The following CIDEB variants were observed in gnomAD, a reference collection of about 807,000 sequenced individuals.
The protein encoded by CIDEB is lipid transferase CIDEB.
CIDEB carries 27 observed loss-of-function variants against 22.4 expected under a neutral mutation model. The ratio of observed to expected loss-of-function variants is 1.21; its 90% CI spans 0.89 to 1.66. CIDEB has a LOEUF of 1.66. CIDEB is among the 40% of genes most tolerant of loss of function. The probability of loss-of-function intolerance (pLI) is 0.00; values close to 1 mark genes in which losing one functional copy is unlikely to be tolerated. For synonymous variants in CIDEB, 103 were observed against 109.5 expected, an observed-to-expected ratio of 0.94 and a Z score of 0.37; for missense variants, 289 against 268.7, an observed-to-expected ratio of 1.08 and a Z score of -0.53.
upstream of CIDEB, chr14:24,310,384 G>C: frequency 1.6e-6 from 1 of 617,496 alleles, no homozygotes. Context: ...ACAGCCTGGG[G>C]TGATGACTTT....
At chr14:24,309,096 C>G (rs1428513077), upstream of CIDEB, 1 of 152,254 alleles carries the variant, frequency 6.6e-6, no homozygotes, top group African/African-American at 2.4e-5. Flanking sequence ...TCATTAAGTA[C>G]ATTCTCCTAA....
chr14:24,306,804 G>A (rs2041524364), intron 2 of CIDEB: 1 of 474,718 alleles, frequency 2.1e-6, no homozygotes, highest in Non-Finnish European at 3.9e-6. Flanking sequence ...AAGCAAGCCA[G>A]GTTCTCACGA....
upstream of CIDEB, chr14:24,310,961 C>T (rs1411028392): frequency 1.3e-6 from 2 of 1,591,836 alleles, no homozygotes; most frequent in Admixed American, 1.7e-5. Flanking sequence ...CGGTGTACTA[C>T]GTGTGCGCGC....
Position 24,307,896 on chromosome 14 carries a change from T to C in CIDEB, c.-38A>G. 6 of 1,556,198 alleles carry C rather than the reference T, an allele frequency of 3.9e-6. No homozygotes were observed. Among genetic ancestry groups the C allele is most frequent in the Admixed American group, 1.9e-5 (1 of 52,494 alleles). On this transcript the variant is annotated 5_prime_UTR_variant, in exon 1 of 5. Transcript: ENST00000554411. ...AGTTCCTTCCCTGGAACTTCTGGGCTGGGTGGTTCTCTCCTGTGCTGGGGC... is the reference window on the plus strand; with the variant it reads ...AGTTCCTTCCCTGGAACTTCTGGGCCGGGTGGTTCTCTCCTGTGCTGGGGC...
chr14:24,310,976 C>T, upstream of CIDEB: 1 of 1,591,052 alleles, frequency 6.3e-7, no homozygotes, highest in East Asian at 2.3e-5. Context: ...GCGCGCTCAG[C>T]ATGTACGCCA....
chr14:24,306,613 A>T lies in CIDEB; in HGVS notation c.187-90T>A, dbSNP rs911043207. On this transcript the variant is annotated intron_variant, in intron 2 of 4. Coordinates refer to ENST00000554411, the MANE Select transcript of CIDEB (RefSeq NM_001393339.1). ...CAACATCCATCAGTTGGCTCTAGACATTGGTCGATGTCCCACTTTGACTTT... is the reference window on the plus strand; with the variant it reads ...CAACATCCATCAGTTGGCTCTAGACTTTGGTCGATGTCCCACTTTGACTTT... 10 of 1,548,596 alleles carry T rather than the reference A, an allele frequency of 6.5e-6. No individual in the cohort carries two copies. The African/African-American group carries it at 9.5e-5, about 15-fold the overall frequency.
Position 24,305,538 on chromosome 14 carries a change from A to C in CIDEB, c.*95T>G. 6.7e-7 allele frequency: 1 copy of C among 1,494,736 alleles called. No individual in the cohort carries two copies. Among genetic ancestry groups the C allele is most frequent in the East Asian group, 2.3e-5 (1 of 44,166 alleles). 92.6% of individuals were successfully genotyped at this position (1,494,736 alleles called of 1,614,324 possible). A position where few individuals can be genotyped will look rare whatever the true frequency, so the allele number is the denominator to read the frequency against. Reference sequence around the variant, plus strand: ...AGTGGGGAAATTGGGTGGGTTATCTAGCCTGTACTGTCTGCAGGTCCTGAA... The same window carrying C: ...AGTGGGGAAATTGGGTGGGTTATCTCGCCTGTACTGTCTGCAGGTCCTGAA... On this transcript the variant is annotated 3_prime_UTR_variant, in exon 5 of 5. Coordinates refer to ENST00000554411, the MANE Select transcript of CIDEB (RefSeq NM_001393339.1).
At position 24,305,526 on chromosome 14, in the gene CIDEB, G is replaced by T; in HGVS notation, c.*107C>A. 1 of 1,379,902 alleles carries T rather than the reference G, an allele frequency of 7.2e-7. No homozygotes were observed. Among genetic ancestry groups the T allele is most frequent in the South Asian group, 1.4e-5 (1 of 71,698 alleles). The allele number at this position is 1,379,902 out of a possible 1,614,324, so 85.5% of individuals were successfully genotyped here. A position where few individuals can be genotyped will look rare whatever the true frequency, so the allele number is the denominator to read the frequency against. ...GGATCAGAGGACAGTGGGGAAATTG[G>T]GTGGGTTATCTAGCCTGTACTGTCT... On this transcript the variant is annotated 3_prime_UTR_variant, in exon 5 of 5. Coordinates refer to ENST00000554411, the MANE Select transcript of CIDEB (RefSeq NM_001393339.1).
At chr14:24,310,513 G>T, upstream of CIDEB, 1 of 841,528 alleles carries the variant, frequency 1.2e-6, no homozygotes. Context: ...CTGGGTCCTC[G>T]TGGAAGTCAG....
At chr14:24,311,415 G>C, upstream of CIDEB, 3 of 1,601,462 alleles carry the variant, frequency 1.9e-6, no homozygotes, top group Non-Finnish European at 8.5e-7. Flanking sequence ...GGCGGTCGCA[G>C]CGCTGGCTCC....
In CIDEB at chr14:24,305,281, C is replaced by A; in HGVS notation, c.*352G>T. ...GATCTCAAGGTAAAGTCAGAGAGGG[C>A]TGTCATCAGTATGCTGGGGAGTTTA... On this transcript the variant is annotated 3_prime_UTR_variant, in exon 5 of 5. Transcript: ENST00000554411. The A allele has an allele frequency of 1.6e-6, 1 of 639,168 alleles. No homozygotes were observed. Among genetic ancestry groups the A allele is most frequent in the Non-Finnish European group, 2.4e-6 (1 of 413,216 alleles). The allele number at this position is 639,168 out of a possible 1,614,324, so 39.6% of individuals were successfully genotyped here. A position where few individuals can be genotyped will look rare whatever the true frequency, so the allele number is the denominator to read the frequency against.
At chr14:24,310,817 A>G, upstream of CIDEB, 1 of 1,595,036 alleles carries the variant, frequency 6.3e-7, no homozygotes, top group Non-Finnish European at 8.5e-7. Flanking sequence ...GGCGGCCTGC[A>G]CGGGGGCGAC....
Position 24,305,536 on chromosome 14 carries a change from C to G in CIDEB, c.*97G>C. On this transcript the variant is annotated 3_prime_UTR_variant, in exon 5 of 5. Coordinates refer to ENST00000554411, the MANE Select transcript of CIDEB (RefSeq NM_001393339.1). ...ACAGTGGGGAAATTGGGTGGGTTAT[C>G]TAGCCTGTACTGTCTGCAGGTCCTG... 6.8e-7 allele frequency: 1 copy of G among 1,468,166 alleles called. No individual in the cohort carries two copies. Among genetic ancestry groups the G allele is most frequent in the Non-Finnish European group, 9.2e-7 (1 of 1,092,298 alleles). 90.9% of individuals were successfully genotyped at this position (1,468,166 alleles called of 1,614,324 possible).
chr14:24,306,694 G>T, intron 2 of CIDEB, 171 bp from the exon 3 acceptor site: 1 of 751,672 alleles, frequency 1.3e-6, no homozygotes, highest in Non-Finnish European at 2.1e-6. Context: ...CAGTTTTTGG[G>T]GGATCCTAGC....
chr14:24,310,899 G>T, upstream of CIDEB: 1 of 1,593,294 alleles, frequency 6.3e-7, no homozygotes, highest in Non-Finnish European at 8.5e-7. Context: ...GCCGCTCTTT[G>T]TGGCCTTCCT....
chr14:24,311,020 G>A (rs1294511233), upstream of CIDEB: 1 of 1,584,058 alleles, frequency 6.3e-7, no homozygotes, highest in African/African-American at 1.4e-5. Context: ...AGCCTGCAGC[G>A]CTGCCTCGCA....
chr14:24,307,941 A>G lies in CIDEB; in HGVS notation c.-83T>C. On this transcript the variant is annotated 5_prime_UTR_variant, in exon 1 of 5. Transcript: ENST00000554411. ...TGGGGCTTTAGTGGTGTTTTCTGTTACAAACCTGGGATCTCAGCCCAGGAC... is the reference window on the plus strand; with the variant it reads ...TGGGGCTTTAGTGGTGTTTTCTGTTGCAAACCTGGGATCTCAGCCCAGGAC... The G allele has an allele frequency of 1.6e-6, 2 of 1,278,540 alleles. No homozygotes were observed. Among genetic ancestry groups the G allele is most frequent in the Non-Finnish European group, 2.2e-6 (2 of 898,490 alleles). The allele number at this position is 1,278,540 out of a possible 1,614,324, so 79.2% of individuals were successfully genotyped here. A position where few individuals can be genotyped will look rare whatever the true frequency, so the allele number is the denominator to read the frequency against.
At chr14:24,308,177 C>A (rs1335923933), upstream of CIDEB, 2 of 385,224 alleles carry the variant, frequency 5.2e-6, no homozygotes, top group Non-Finnish European at 4.8e-6. Flanking sequence ...AATGTGACTT[C>A]TGGTGTTTTT....
chr14:24,307,549 A>G lies in CIDEB; in HGVS notation c.42-34T>C, dbSNP rs754750334. 3.1e-6 allele frequency: 5 copies of G among 1,603,378 alleles called. No individual in the cohort carries two copies. In the Admixed American group the frequency reaches 8.4e-5, roughly 27 times the overall value. On this transcript the variant is annotated intron_variant, in intron 1 of 4. Coordinates refer to ENST00000554411, the MANE Select transcript of CIDEB (RefSeq NM_001393339.1). ...TGAGAAGAAAAGTCAAGAAGGGGCG[A>G]GGAGGGGCTTGGTGAGTGTAAAGGG...
Sources: gnomAD v4.1 joint callset for allele counts on GRCh38, gnomAD v4.1.1 for gene constraint, MANE v1.5 for transcripts, NCBI Gene and HGNC (gene_info 2026-07-23, HGNC 2026-07-21) for gene names.